Variants in GPHN observed in about 807,000 individuals in gnomAD.
The protein encoded by GPHN is gephyrin.
GPHN carries 17 observed loss-of-function variants against 95.5 expected under a neutral mutation model. That is an observed-to-expected ratio of 0.18 (90% CI 0.12 to 0.27). GPHN has a LOEUF of 0.27. GPHN is among the 10% of genes least tolerant of loss of function. The pLI, the probability that GPHN is intolerant of heterozygous loss-of-function variation, is 1.00. For missense variants in GPHN, 660 were observed against 978.1 expected, an observed-to-expected ratio of 0.67 and a Z score of 4.34; for synonymous variants, 320 against 322.5, an observed-to-expected ratio of 0.99 and a Z score of 0.08.
chr14:67,650,971 G>A, the GPHN span: 3 of 1,541,556 alleles, frequency 1.9e-6, no homozygotes, highest in African/African-American at 2.7e-5. Flanking sequence ...GAATTATGAG[G>A]CATTGAGGGG....
At chr14:67,453,759 G>A in the GPHN span, among the ~76,000 whole-genome samples, 1 of 152,344 alleles carries the variant, frequency 6.6e-6, no homozygotes, top group South Asian at 2.1e-4. Context: ...TTCCAGAGCT[G>A]TGGAGAGAGG....
chr14:67,541,609 G>A, the GPHN span, among the ~76,000 whole-genome samples: 1 of 152,124 alleles, frequency 6.6e-6, no homozygotes, highest in Non-Finnish European at 1.5e-5. Context: ...CTCAGGTTTC[G>A]CGGTTTCCTG....
chr14:66,988,712 A>T (rs2071194615), intron 9 of GPHN, among the ~76,000 whole-genome samples: 1 of 152,106 alleles, frequency 6.6e-6, no homozygotes, highest in Admixed American at 6.6e-5. Flanking sequence ...TTCATCATAT[A>T]GTCAGAATTC....
chr14:66,647,294 C>T (rs1213151864), intron 1 of GPHN, among the ~76,000 whole-genome samples: 1 of 149,428 alleles, frequency 6.7e-6, no homozygotes, highest in African/African-American at 2.5e-5. Flanking sequence ...TTAAAGTCAT[C>T]TAGTGTGCTT....
the GPHN span, chr14:67,441,759 C>T: frequency 1.3e-5 from 2 of 151,624 alleles, no homozygotes; most frequent in African/African-American, 4.8e-5. Context: ...ATCAGGCTCT[C>T]TCTACCTGAC....
At chr14:66,698,591 A>G (rs2068279341) in intron 2 of GPHN, among the ~76,000 whole-genome samples, 1 of 152,246 alleles carries the variant, frequency 6.6e-6, no homozygotes. Context: ...ACAATGATAC[A>G]TGAAAATTGA....
chr14:67,339,058 C>T, the GPHN span, among the ~76,000 whole-genome samples: 6 of 146,242 alleles, frequency 4.1e-5, no homozygotes, highest in South Asian at 2.2e-4. Context: ...CAGTGGCGCA[C>T]GCAATCTTGG....
chr14:67,350,689 G>A, the GPHN span: 2 of 1,612,892 alleles, frequency 1.2e-6, no homozygotes, highest in African/African-American at 1.3e-5. Flanking sequence ...CAACATTTTA[G>A]TCTGGAAAAG....
At chr14:67,478,582 C>A in the GPHN span, among the ~76,000 whole-genome samples, 1 of 152,232 alleles carries the variant, frequency 6.6e-6, no homozygotes, top group East Asian at 1.9e-4. Flanking sequence ...ATGAGTGGAT[C>A]TTCAACATCT....
chr14:67,586,391 T>G, the GPHN span: 2 of 1,363,844 alleles, frequency 1.5e-6, no homozygotes, highest in Non-Finnish European at 1.9e-6. Context: ...CAGTCCTCAG[T>G]TGGGTGCTTA....
chr14:66,655,977 A>AAT (rs1354871606), intron 1 of GPHN, among the ~76,000 whole-genome samples: 1 of 152,112 alleles, frequency 6.6e-6, no homozygotes, highest in Non-Finnish European at 1.5e-5. Context: ...TTCTTTTTAT[A>AAT]TGTAATTCTG....
the GPHN span, chr14:67,383,176 A>C: frequency 9.1e-6 from 8 of 875,930 alleles, no homozygotes; most frequent in African/African-American, 1.4e-4. Flanking sequence ...ATTGCTGATA[A>C]GTCACTCAAA....
chr14:66,580,940 A>G (rs780607075), intron 1 of GPHN, among the ~76,000 whole-genome samples: 57 of 151,814 alleles, frequency 3.8e-4, no homozygotes, highest in Admixed American at 3.0e-3. Flanking sequence ...AAACCAATAC[A>G]TGAAAAACAT....
intron 10 of GPHN, among the ~76,000 whole-genome samples, chr14:67,029,354 T>TTGG (rs2074074904): frequency 6.6e-6 from 1 of 151,632 alleles, no homozygotes; most frequent in Non-Finnish European, 1.5e-5. Context: ...TTTTTTTTTT[T>TTGG]GAGATGGAAT....
the GPHN span, among the ~76,000 whole-genome samples, chr14:67,679,505 G>A: frequency 1.3e-5 from 2 of 151,720 alleles, no homozygotes; most frequent in African/African-American, 4.8e-5. Context: ...CCAGGTTTGA[G>A]CAATTCTCCT....
intron 2 of GPHN, among the ~76,000 whole-genome samples, chr14:66,691,582 C>T (rs1477297513): frequency 2.0e-5 from 3 of 152,160 alleles, no homozygotes; most frequent in Non-Finnish European, 2.9e-5. Flanking sequence ...TTAGGGAACA[C>T]AGCCATGCAT....
chr14:67,577,667 T>C, the GPHN span, among the ~76,000 whole-genome samples: 1 of 152,188 alleles, frequency 6.6e-6, no homozygotes, highest in Non-Finnish European at 1.5e-5. Context: ...CCTCCTCCTG[T>C]AGTTAAGCAG....
chr14:67,261,593 CTT>C, the GPHN span, among the ~76,000 whole-genome samples: 1 of 152,080 alleles, frequency 6.6e-6, no homozygotes, highest in African/African-American at 2.4e-5. Context: ...ATGTGGCTCA[CTT>C]TGCCAGCACA....
the GPHN span, among the ~76,000 whole-genome samples, chr14:67,444,743 G>C: frequency 6.6e-6 from 1 of 152,164 alleles, no homozygotes; most frequent in Non-Finnish European, 1.5e-5. Flanking sequence ...AGCCGGGCTA[G>C]AGACTGAATT....
Sources: gnomAD v4.1 joint callset for allele counts (sites outside exome capture counted in the v4.1 genomes callset) on GRCh38, gnomAD v4.1.1 for gene constraint, MANE v1.5 for transcripts, NCBI Gene and HGNC (gene_info 2026-07-23, HGNC 2026-07-21) for gene names.